SNX25: variants seen among roughly 807,000 people sequenced by gnomAD.
SNX25 encodes sorting nexin-25.
SNX25 carries 62 observed loss-of-function variants against 113.7 expected under a neutral mutation model. That is an observed-to-expected ratio of 0.55 (90% CI 0.44 to 0.67). The LOEUF is 0.67. SNX25 is among the 30% of genes least tolerant of loss of function. The pLI is 0.00. For synonymous variants in SNX25, 421 were observed against 436.2 expected (o/e 0.97, Z 0.43); for missense variants, 1,014 against 1,161.0 (o/e 0.87, Z 1.84).
At chr4:185,268,681 T>G (rs1462961034) in intron 5 of SNX25, among the ~76,000 whole-genome samples, 1 of 152,226 alleles carries the variant, frequency 6.6e-6, no homozygotes. Flanking sequence ...GAACTAGGGT[T>G]AACATTAAGA....
At chr4:185,211,069 C>G (rs1237729009) in intron 1 of SNX25, among the ~76,000 whole-genome samples, 1 of 152,184 alleles carries the variant, frequency 6.6e-6, no homozygotes, top group Non-Finnish European at 1.5e-5. Context: ...TACCATCATT[C>G]TAATGAAATT....
chr4:185,249,992 T>G (rs1031863072), intron 2 of SNX25, among the ~76,000 whole-genome samples: 1 of 152,216 alleles, frequency 6.6e-6, no homozygotes, highest in African/African-American at 2.4e-5. Flanking sequence ...TTTTGGGGGT[T>G]TCTTCTGATG....
intron 2 of SNX25, among the ~76,000 whole-genome samples, chr4:185,248,597 G>A (rs1457360186): frequency 6.6e-6 from 1 of 152,138 alleles, no homozygotes; most frequent in Non-Finnish European, 1.5e-5. Context: ...GATTTGCAGT[G>A]AGCCTAGATT....
intron 1 of SNX25, among the ~76,000 whole-genome samples, chr4:185,234,420 C>A (rs1482553084): frequency 5.2e-5 from 1 of 19,090 alleles, no homozygotes; most frequent in Non-Finnish European, 1.4e-4. Flanking sequence ...CGGTGGCTCA[C>A]GCCTGTAATC....
chr4:185,241,097 A>G (rs928939648), intron 1 of SNX25, among the ~76,000 whole-genome samples: 11 of 151,712 alleles, frequency 7.3e-5, no homozygotes, highest in South Asian at 4.2e-4. Context: ...AGAGGCTGCA[A>G]TCTCGGCACT....
At chr4:185,209,416 AAG>A (rs1279488929), upstream of SNX25, 1 of 152,250 alleles carries the variant, frequency 6.6e-6, no homozygotes, top group Non-Finnish European at 1.5e-5. The surrounding 1 kb of genome is among the most constrained non-coding windows in gnomAD (Gnocchi z 5.2). Flanking sequence ...GAGCGTGGGA[AAG>A]AGAGGTGTGC....
intron 1 of SNX25, among the ~76,000 whole-genome samples, chr4:185,221,921 TCTC>T (rs1175949153): frequency 6.7e-6 from 1 of 148,908 alleles, no homozygotes; most frequent in Non-Finnish European, 1.5e-5. Context: ...ACCATATACT[TCTC>T]CTTCACTGTA....
chr4:185,255,962 G>A (rs1458276193), intron 2 of SNX25, among the ~76,000 whole-genome samples: 3 of 152,188 alleles, frequency 2.0e-5, no homozygotes, highest in African/African-American at 7.2e-5. Context: ...GTACCATTAG[G>A]GATGAGATGT....
chr4:185,359,940 G>A (rs115810809), intron 16 of SNX25, among the ~76,000 whole-genome samples: 2,447 of 152,236 alleles, frequency 0.016, 54 homozygotes, highest in African/African-American at 0.051. Context: ...CGATCATGGC[G>A]CACATGGTTC....
At chr4:185,359,208 G>T (rs940576873) in intron 16 of SNX25, among the ~76,000 whole-genome samples, 2 of 152,010 alleles carry the variant, frequency 1.3e-5, no homozygotes, top group Non-Finnish European at 2.9e-5. Flanking sequence ...AAAAAATTAG[G>T]TGTGGTAGTA....
chr4:185,358,977 C>A (rs899262209), intron 16 of SNX25, among the ~76,000 whole-genome samples: 2 of 152,112 alleles, frequency 1.3e-5, no homozygotes, highest in African/African-American at 4.8e-5. Context: ...AGAACATTTG[C>A]TATTTTTTTA....
At position 185,265,477 on chromosome 4, in the gene SNX25, C is replaced by T. The variant is rs144257608; in HGVS notation, c.904+867C>T. Among the ~76,000 whole-genome samples the T allele has an allele frequency of 1.8e-4, 27 of 152,182 alleles. No individual in the cohort carries two copies. In the East Asian group the frequency reaches 4.2e-3, roughly 24 times the overall value. ...GTATAAAAGATAAACAACAGTACAC[C>T]TATATAGGACACTTACCATGAATGG... On this transcript the variant is annotated intron_variant, in intron 4 of 18. Transcript: ENST00000652585.
At chr4:185,335,160 A>G (rs928667572) in intron 10 of SNX25, among the ~76,000 whole-genome samples, 7 of 152,214 alleles carry the variant, frequency 4.6e-5, no homozygotes, top group African/African-American at 1.7e-4. Context: ...CCTCTACTAA[A>G]AATATAACAA....
Position 185,231,765 on chromosome 4 carries a change from G to A in SNX25, c.430-15529G>A, listed in dbSNP as rs116632160. On this transcript the variant is annotated intron_variant, in intron 1 of 18. Transcript: ENST00000652585. ...TTTGAATGTCAACACATTTATTTTA[G>A]AATTTTAGATAGAAACAGAAGAAGC... Among the ~76,000 whole-genome samples the A allele has an allele frequency of 7.5e-3, 1,137 of 151,220 alleles. 16 individuals carry two copies. The highest frequency in any genetic ancestry group is 0.026 in the African/African-American group (1,066 of 41,264).
At chr4:185,328,417 G>T (rs1272679459) in intron 9 of SNX25, among the ~76,000 whole-genome samples, 2 of 152,046 alleles carry the variant, frequency 1.3e-5, no homozygotes, top group South Asian at 2.1e-4. Context: ...TCATTTTAGG[G>T]TCTTTCATAC....
At chr4:185,208,145 G>A (rs1032939555), upstream of SNX25, among the ~76,000 whole-genome samples, 1 of 151,988 alleles carries the variant, frequency 6.6e-6, no homozygotes, top group African/African-American at 2.4e-5. Context: ...GTCTCACTCT[G>A]TTGCCCAAGC....
At chr4:185,315,121 A>C (rs189684835) in intron 7 of SNX25, among the ~76,000 whole-genome samples, 2 of 146,752 alleles carry the variant, frequency 1.4e-5, no homozygotes, top group Admixed American at 1.4e-4. Flanking sequence ...CCAGCTACTC[A>C]GGAGGCTGAG....
At chr4:185,224,426 TA>T (rs906231509) in intron 1 of SNX25, among the ~76,000 whole-genome samples, 6 of 137,090 alleles carry the variant, frequency 4.4e-5, no homozygotes, top group East Asian at 2.0e-4. Flanking sequence ...TAAAAATATA[TA>T]AAAATATATA....
downstream of SNX25, among the ~76,000 whole-genome samples, chr4:185,373,276 G>A (rs528887875): frequency 5.2e-4 from 79 of 152,320 alleles, no homozygotes; most frequent in African/African-American, 1.9e-3. Flanking sequence ...TCCGCTGTCT[G>A]TCCACAGTGC....
Sources: allele counts gnomAD v4.1 joint callset (sites outside exome capture counted in the v4.1 genomes callset), GRCh38; gene constraint gnomAD v4.1.1; non-coding constraint Gnocchi (gnomAD v3.1); transcripts MANE v1.5; gene names NCBI Gene and HGNC (gene_info 2026-07-23, HGNC 2026-07-21).